The following ANO3 variants were observed in gnomAD, a reference collection of about 807,000 sequenced individuals.
The protein encoded by ANO3 is anoctamin-3.
Under a neutral mutation model 144.8 loss-of-function variants are expected in ANO3, and 99 were observed. The ratio of observed to expected loss-of-function variants is 0.68; its 90% CI spans 0.58 to 0.81. ANO3 has a LOEUF of 0.81. ANO3 is among the 30% of genes least tolerant of loss of function. The pLI is 0.00. For synonymous variants in ANO3, 414 were observed against 392.6 expected (o/e 1.05, Z -0.64); for missense variants, 905 against 1,202.2 (o/e 0.75, Z 3.66).
At chr11:26,249,579 A>G (rs1852879796) in intron 1 of ANO3, among the ~76,000 whole-genome samples, 1 of 152,136 alleles carries the variant, frequency 6.6e-6, no homozygotes, top group Non-Finnish European at 1.5e-5. Context: ...TTTAAAAAAA[A>G]GGAATAAATG....
At chr11:26,551,051 C>G (rs1387669519) in intron 12 of ANO3, among the ~76,000 whole-genome samples, 1 of 151,934 alleles carries the variant, frequency 6.6e-6, no homozygotes, top group East Asian at 1.9e-4. Flanking sequence ...CCATAATGCC[C>G]TACTGGTTTT....
At chr11:26,402,297 G>C (rs1452621784) in intron 1 of ANO3, among the ~76,000 whole-genome samples, 1 of 151,902 alleles carries the variant, frequency 6.6e-6, no homozygotes, top group African/African-American at 2.4e-5. Flanking sequence ...CTTCGCCAGT[G>C]TCTGTTATTT....
At chr11:26,650,344 T>C (rs114607530) in intron 24 of ANO3, among the ~76,000 whole-genome samples, 3,679 of 152,234 alleles carry the variant, frequency 0.024, 54 homozygotes, top group South Asian at 0.04. Context: ...AGCTCTGTAA[T>C]TAAGAATTCA....
intron 3 of ANO3, among the ~76,000 whole-genome samples, chr11:26,458,152 A>G (rs1011831152): frequency 6.6e-6 from 1 of 152,120 alleles, no homozygotes; most frequent in Non-Finnish European, 1.5e-5. Context: ...TGTGCAATAA[A>G]TGTCTCATCA....
chr11:26,478,101 G>C (rs1860054986), intron 4 of ANO3, among the ~76,000 whole-genome samples: 1 of 152,114 alleles, frequency 6.6e-6, no homozygotes, highest in African/African-American at 2.4e-5. Context: ...AGAATAAATA[G>C]GGGAATATAA....
intron 1 of ANO3, among the ~76,000 whole-genome samples, chr11:26,358,174 T>TG (rs1202430287): frequency 8.9e-6 from 1 of 112,634 alleles, no homozygotes; most frequent in Non-Finnish European, 2.0e-5. Context: ...TTTCAACTTT[T>TG]TTTTTTTTTT....
At chr11:26,583,856 A>G (rs1392077166) in intron 14 of ANO3, among the ~76,000 whole-genome samples, 6 of 152,140 alleles carry the variant, frequency 3.9e-5, no homozygotes, top group African/African-American at 1.4e-4. Context: ...GCTCTGATAA[A>G]CTATTGTTTC....
intron 17 of ANO3, among the ~76,000 whole-genome samples, chr11:26,613,593 C>A (rs183227314): frequency 1.4e-3 from 208 of 152,246 alleles, no homozygotes; most frequent in South Asian, 2.3e-3. Context: ...TTGATATCTG[C>A]AAATCTAGTG....
chr11:26,581,913 A>G (rs1216847621), intron 14 of ANO3, among the ~76,000 whole-genome samples: 2 of 152,188 alleles, frequency 1.3e-5, no homozygotes, highest in African/African-American at 2.4e-5. Context: ...TGGTATGTGT[A>G]ACAACTAGAG....
chr11:26,473,971 A>G, intron 4 of ANO3: 4 of 985,170 alleles, frequency 4.1e-6, no homozygotes, highest in Non-Finnish European at 4.8e-6. Context: ...TTTGTGTAGC[A>G]CTCAGTATGT....
rs1016500742 is a variant in ANO3, at chr11:26,660,760, G to A, written c.*316G>A. On this transcript the variant is annotated 3_prime_UTR_variant, in exon 27 of 27. Transcript: ENST00000256737. ...CAACTGCAGTGTAATGGGAAAGAGGGTGGTGAGGTTTTGAAAGACAGATTT... is the reference window on the plus strand; with the variant it reads ...CAACTGCAGTGTAATGGGAAAGAGGATGGTGAGGTTTTGAAAGACAGATTT... 1.6e-5 allele frequency: 4 copies of A among 245,490 alleles called. No homozygotes were observed. The highest frequency in any genetic ancestry group is 6.8e-5 in the African/African-American group (3 of 44,080). 15.2% of individuals were successfully genotyped at this position (245,490 alleles called of 1,614,324 possible).
chr11:26,268,453 C>G (rs772370203), intron 1 of ANO3, among the ~76,000 whole-genome samples: 1 of 152,136 alleles, frequency 6.6e-6, no homozygotes, highest in Non-Finnish European at 1.5e-5. Context: ...CTCCAGCACC[C>G]TCTGGCATAA....
chr11:26,193,164 G>A (rs1851511476), intron 1 of ANO3, among the ~76,000 whole-genome samples: 1 of 121,068 alleles, frequency 8.3e-6, no homozygotes, highest in Non-Finnish European at 1.7e-5. Flanking sequence ...TTTTTGAGAT[G>A]GAGTCTCACT....
chr11:26,453,162 C>T (rs1460537385), intron 3 of ANO3, among the ~76,000 whole-genome samples: 1 of 152,218 alleles, frequency 6.6e-6, no homozygotes, highest in Admixed American at 6.5e-5. Flanking sequence ...TAGGAAGACA[C>T]TGCATCAACT....
chr11:26,607,291 A>G (rs958987946), intron 17 of ANO3, among the ~76,000 whole-genome samples: 6 of 152,056 alleles, frequency 3.9e-5, no homozygotes, highest in African/African-American at 7.2e-5. Context: ...TCTGATAACT[A>G]TGTGTCTTCG....
Position 26,406,676 on chromosome 11 carries a change from AGTGTGTGTGTGTGT to A in ANO3, c.47-35206_47-35193del, listed in dbSNP as rs72102663. 9.4e-3 allele frequency among the ~76,000 whole-genome samples: 1,119 copies of A among 119,330 alleles called. 10 individuals carry two copies. The highest frequency in any genetic ancestry group is 0.031 in the African/African-American group (1,013 of 32,338). The allele number at this position is 119,330 out of a possible 152,430, so 78.3% of individuals were successfully genotyped here. ...TGAAAGGGGTCCAATAATCTATGGC[AGTGTGTGTGTGTGT>A]GTGTGTGTGTGTGTGTGTGTGTGTG... On this transcript the variant is annotated intron_variant, in intron 1 of 26. Coordinates refer to ENST00000256737, the MANE Select transcript of ANO3 (RefSeq NM_031418.4).
chr11:26,397,257 G>A (rs1857039791), intron 1 of ANO3, among the ~76,000 whole-genome samples: 1 of 152,018 alleles, frequency 6.6e-6, no homozygotes, highest in South Asian at 2.1e-4. Flanking sequence ...TAGTAAAAAT[G>A]ATGTTTTTAT....
At chr11:26,517,675 G>T (rs759099670) in intron 6 of ANO3, among the ~76,000 whole-genome samples, 1 of 152,052 alleles carries the variant, frequency 6.6e-6, no homozygotes, top group Non-Finnish European at 1.5e-5. Context: ...TGCCAAGTAA[G>T]AGCCTCTAGA....
rs1849816867 is a variant in ANO3, at chr11:26,547,475, T to C, written c.1214T>C (p.Met405Thr). Residue 405 changes from methionine to threonine, a missense_variant, in exon 12 of 27, where the codon ATG becomes ACG. Met to Thr is a moderately conservative substitution (Grantham distance 81). This residue lies in a region of ANO3 where 597 missense variants were observed against 865.1 expected (regional missense o/e 0.69). Coordinates refer to ENST00000256737, the MANE Select transcript of ANO3 (RefSeq NM_031418.4). ...YFAWLGWYTGMLIPAAIVGLC... is the reference protein window; with the variant it reads ...YFAWLGWYTGTLIPAAIVGLC... ...GCTTGGCTGGGATGGTATACTGGAA[T>C]GTTGATTCCTGCAGCAATTGTTGGT... The C allele has an allele frequency of 6.2e-7, 1 of 1,611,940 alleles. No homozygotes were observed. The highest frequency in any genetic ancestry group is 2.2e-5 in the East Asian group (1 of 44,800).
Sources: allele counts gnomAD v4.1 joint callset (sites outside exome capture counted in the v4.1 genomes callset), GRCh38; gene constraint gnomAD v4.1.1; regional missense constraint gnomAD v4.1.1; transcripts MANE v1.5; gene names NCBI Gene and HGNC (gene_info 2026-07-23, HGNC 2026-07-21).